Variants in TBC1D1 observed in about 807,000 individuals in gnomAD.
The protein encoded by TBC1D1 is TBC1 domain family member 1.
Under a neutral mutation model 125.6 loss-of-function variants are expected in TBC1D1, and 89 were observed. The observed-to-expected ratio is 0.71, with a 90% CI of 0.60 to 0.85. The LOEUF (loss-of-function observed/expected upper bound fraction) is 0.85, where lower values mean the gene tolerates loss of function less well. TBC1D1 is among the 40% of genes least tolerant of loss of function. The pLI is 0.00. For synonymous variants in TBC1D1, 565 were observed against 564.1 expected, an observed-to-expected ratio of 1.00 and a Z score of -0.02; for missense variants, 1,377 against 1,469.2, an observed-to-expected ratio of 0.94 and a Z score of 1.03.
At chr4:38,043,544 C>T (rs1748814574) in intron 8 of TBC1D1, among the ~76,000 whole-genome samples, 1 of 150,588 alleles carries the variant, frequency 6.6e-6, no homozygotes, top group South Asian at 2.1e-4. Flanking sequence ...GATTGTGGCC[C>T]TGTACTCCAG....
intron 2 of TBC1D1, among the ~76,000 whole-genome samples, chr4:38,005,819 G>T (rs1740039067): frequency 6.6e-6 from 1 of 152,196 alleles, no homozygotes; most frequent in Admixed American, 6.5e-5. Context: ...AGTCACTGGG[G>T]AGCAACTCCA....
At chr4:37,942,241 C>T (rs1725717671) in intron 2 of TBC1D1, among the ~76,000 whole-genome samples, 1 of 152,156 alleles carries the variant, frequency 6.6e-6, no homozygotes, top group South Asian at 2.1e-4. Flanking sequence ...GGATAGTTAG[C>T]TCTTCTTGTT....
At position 38,125,034 on chromosome 4, in the gene TBC1D1, T is replaced by C. The variant is rs191311030; in HGVS notation, c.3035T>C (p.Leu1012Ser). ...AGTCTGTTGGGAAGCCATAAGCCCT[T>C]GATTCTGCAGCATGAAAACCTAGAA... Residue 1012 changes from leucine to serine, a missense_variant, in exon 18 of 20, where the codon TTG becomes TCG. Leu to Ser is a moderately radical substitution (Grantham distance 145). Coordinates refer to ENST00000261439, the MANE Select transcript of TBC1D1 (RefSeq NM_015173.4). 32 of 1,614,114 alleles carry C rather than the reference T, an allele frequency of 2.0e-5. No homozygotes were observed. The East Asian group carries it at 6.9e-4, about 35-fold the overall frequency.
chr4:38,065,539 C>T (rs573671395), intron 12 of TBC1D1, among the ~76,000 whole-genome samples: 28 of 152,020 alleles, frequency 1.8e-4, no homozygotes, highest in Non-Finnish European at 3.1e-4. Context: ...TGCAATGAAG[C>T]GCATCAGATA....
intron 2 of TBC1D1, among the ~76,000 whole-genome samples, chr4:37,930,062 A>G (rs1722954544): frequency 6.6e-6 from 1 of 152,218 alleles, no homozygotes; most frequent in Non-Finnish European, 1.5e-5. Flanking sequence ...ACATGAATGG[A>G]AAGTTGACAG....
chr4:37,894,048 G>A (rs1478493931), intron 1 of TBC1D1, among the ~76,000 whole-genome samples: 7 of 151,066 alleles, frequency 4.6e-5, no homozygotes, highest in African/African-American at 1.7e-4. Flanking sequence ...GAGTGCAGTG[G>A]CGTGATCTCA....
chr4:38,021,894 C>T (rs541613779), intron 6 of TBC1D1, among the ~76,000 whole-genome samples, 176 bp downstream of exon 6: 3 of 152,254 alleles, frequency 2.0e-5, no homozygotes, highest in Non-Finnish European at 2.9e-5. Context: ...GGAATTGTGC[C>T]GGATGCTGGT....
Position 38,053,089 on chromosome 4 carries a change from T to A in TBC1D1, c.1911-1110T>A. 1 of 1,408,010 alleles carries A rather than the reference T, an allele frequency of 7.1e-7. No homozygotes were observed. Among genetic ancestry groups the A allele is most frequent in the Non-Finnish European group, 9.3e-7 (1 of 1,077,806 alleles). 87.2% of individuals were successfully genotyped at this position (1,408,010 alleles called of 1,614,324 possible). A position where few individuals can be genotyped will look rare whatever the true frequency, so the allele number is the denominator to read the frequency against. ...ATGTTTCTTTATCCTAAACTCTTTT[T>A]TCAACCAAACTCTTAGCATCTCCTA... On this transcript the variant is annotated intron_variant, in intron 11 of 19. Transcript: ENST00000261439.
intron 1 of TBC1D1, among the ~76,000 whole-genome samples, chr4:37,899,146 A>C (rs1305051162): frequency 6.6e-6 from 1 of 151,740 alleles, no homozygotes; most frequent in Admixed American, 6.6e-5. Flanking sequence ...CTCTAGGACG[A>C]AAAAGAAAGA....
chr4:37,931,972 A>G (rs1333532681), intron 2 of TBC1D1, among the ~76,000 whole-genome samples: 8 of 152,044 alleles, frequency 5.3e-5, no homozygotes, highest in South Asian at 4.1e-4. Context: ...TCTATTCTGT[A>G]TCTGTTTCCC....
At chr4:37,992,705 A>AG (rs1411876116) in intron 2 of TBC1D1, among the ~76,000 whole-genome samples, 12 of 151,660 alleles carry the variant, frequency 7.9e-5, no homozygotes, top group East Asian at 1.9e-4. Context: ...CGTGTTAGCC[A>AG]GATGGTCTTG....
intron 4 of TBC1D1, 81 bp downstream of exon 4, chr4:38,018,524 C>G (rs927492279): frequency 1.1e-6 from 1 of 910,296 alleles, no homozygotes; most frequent in Non-Finnish European, 1.7e-6. Flanking sequence ...GTAACAAATG[C>G]TAAAGGTTAC....
At chr4:38,071,435 C>T (rs1233085772) in intron 12 of TBC1D1, among the ~76,000 whole-genome samples, 1 of 152,116 alleles carries the variant, frequency 6.6e-6, no homozygotes, top group Non-Finnish European at 1.5e-5. Flanking sequence ...ATCTCTTTTT[C>T]GATATTTGAT....
intron 2 of TBC1D1, chr4:38,006,692 G>T (rs183049629): frequency 6.7e-6 from 2 of 297,180 alleles, no homozygotes; most frequent in Non-Finnish European, 1.3e-5. Context: ...TGTTAGCCAG[G>T]ATGGGCTCAA....
intron 12 of TBC1D1, among the ~76,000 whole-genome samples, chr4:38,071,184 GGCAGCT>G (rs1017669803): frequency 1.3e-5 from 2 of 152,016 alleles, no homozygotes; most frequent in South Asian, 2.1e-4. Flanking sequence ...CTCTTACTGT[GGCAGCT>G]GCAGCTGCAG....
chr4:37,992,138 G>A (rs1306862692), intron 2 of TBC1D1, among the ~76,000 whole-genome samples: 2 of 152,190 alleles, frequency 1.3e-5, no homozygotes, highest in African/African-American at 2.4e-5. Flanking sequence ...TTGTGAGCAG[G>A]AGGCTGACCC....
chr4:37,945,120 G>A (rs1422104853), intron 2 of TBC1D1, among the ~76,000 whole-genome samples: 2 of 152,122 alleles, frequency 1.3e-5, no homozygotes, highest in African/African-American at 4.8e-5. Context: ...CTTATAGAAA[G>A]TTGGATAAAT....
chr4:37,998,557 C>G (rs993704727), intron 2 of TBC1D1, among the ~76,000 whole-genome samples: 1 of 152,178 alleles, frequency 6.6e-6, no homozygotes, highest in African/African-American at 2.4e-5. Flanking sequence ...GTGGTTTTCT[C>G]TGTCCCTCCC....
At chr4:37,920,839 G>A (rs1202936869) in intron 2 of TBC1D1, among the ~76,000 whole-genome samples, 2 of 152,072 alleles carry the variant, frequency 1.3e-5, no homozygotes, top group Non-Finnish European at 2.9e-5. Flanking sequence ...GGCCGGGCGC[G>A]GTGGCTCACG....
Sources: allele counts gnomAD v4.1 joint callset (sites outside exome capture counted in the v4.1 genomes callset), GRCh38; gene constraint gnomAD v4.1.1; transcripts MANE v1.5; gene names NCBI Gene and HGNC (gene_info 2026-07-23, HGNC 2026-07-21).